Variants in PACSIN2 observed in about 807,000 individuals in gnomAD.
The protein encoded by PACSIN2 is protein kinase C and casein kinase substrate in neurons protein 2.
Under a neutral mutation model 63.8 loss-of-function variants are expected in PACSIN2, and 25 were observed. The ratio of observed to expected loss-of-function variants is 0.39; its 90% CI spans 0.29 to 0.55. The LOEUF is 0.55. PACSIN2 is among the 20% of genes least tolerant of loss of function. The probability of loss-of-function intolerance (pLI) is 0.62; values close to 1 mark genes in which losing one functional copy is unlikely to be tolerated. For synonymous variants in PACSIN2, 255 were observed against 256.2 expected, an observed-to-expected ratio of 1.00 and a Z score of 0.05; for missense variants, 518 against 646.9, an observed-to-expected ratio of 0.80 and a Z score of 2.16.
At chr22:43,006,872 A>C (rs1924126339) in intron 1 of PACSIN2, among the ~76,000 whole-genome samples, 1 of 152,116 alleles carries the variant, frequency 6.6e-6, no homozygotes, top group African/African-American at 2.4e-5. Context: ...TCTCAACCAA[A>C]CACGTAAATG....
At chr22:42,949,358 G>C (rs1933575363) in intron 1 of PACSIN2, among the ~76,000 whole-genome samples, 1 of 152,058 alleles carries the variant, frequency 6.6e-6, no homozygotes, top group South Asian at 2.1e-4. Context: ...GGAGGATATG[G>C]CTTTGGCAAG....
chr22:42,955,984 AAGAG>A (rs758251295), intron 1 of PACSIN2, among the ~76,000 whole-genome samples: 1 of 152,226 alleles, frequency 6.6e-6, no homozygotes, highest in Non-Finnish European at 1.5e-5. Context: ...TTAAGAGTCA[AAGAG>A]AGAGTTCCAA....
chr22:42,968,472 G>A (rs2146862176), intron 1 of PACSIN2, among the ~76,000 whole-genome samples: 1 of 152,302 alleles, frequency 6.6e-6, no homozygotes, highest in Non-Finnish European at 1.5e-5. Flanking sequence ...AAAAGAAATA[G>A]GTAGCATTTG....
At chr22:42,936,919 G>A (rs1004127841) in intron 1 of PACSIN2, among the ~76,000 whole-genome samples, 1 of 130,264 alleles carries the variant, frequency 7.7e-6, no homozygotes, top group African/African-American at 2.6e-5. Context: ...TCAAAAAAAG[G>A]GGGGGGGGCA....
intron 1 of PACSIN2, among the ~76,000 whole-genome samples, chr22:42,918,947 T>C (rs1931985116): frequency 6.6e-6 from 1 of 152,110 alleles, no homozygotes; most frequent in Non-Finnish European, 1.5e-5. Context: ...AGAGCGATTG[T>C]TTCTTCAAAA....
At chr22:42,891,329 G>T in intron 3 of PACSIN2, 147 bp from the exon 4 acceptor site, 1 of 605,536 alleles carries the variant, frequency 1.7e-6, no homozygotes. Context: ...GGGACTCTGT[G>T]CCTTTTTCAG....
chr22:42,999,366 G>C (rs1923617540), intron 1 of PACSIN2, among the ~76,000 whole-genome samples: 1 of 152,136 alleles, frequency 6.6e-6, no homozygotes, highest in Non-Finnish European at 1.5e-5. Context: ...TGTGTACGGA[G>C]GCATTAAAAA....
intron 1 of PACSIN2, among the ~76,000 whole-genome samples, chr22:42,917,439 T>G (rs775620324): frequency 6.6e-6 from 1 of 152,056 alleles, no homozygotes; most frequent in Non-Finnish European, 1.5e-5. Flanking sequence ...AGATCCCATC[T>G]CTACAAAAAG....
intron 1 of PACSIN2, among the ~76,000 whole-genome samples, chr22:42,940,339 T>C (rs1175000873): frequency 7.2e-5 from 11 of 152,154 alleles, no homozygotes; most frequent in African/African-American, 2.7e-4. Context: ...CCTTATACTG[T>C]CTTCATCTCT....
rs534850223 is a variant in PACSIN2 at position 43,014,929 on chromosome 22, G to C, written c.-78+92C>G. ...CGGAGCTCGGCGCGGCGGCCCTGAC[G>C]GGGCGCGGGCCCGGCCGCGGACCAG... On this transcript the variant is annotated intron_variant, in intron 1 of 10. Coordinates refer to ENST00000263246, the MANE Select transcript of PACSIN2 (RefSeq NM_001184970.3). 191 of 149,648 alleles carry C rather than the reference G, an allele frequency of 1.3e-3. 1 individual carries two copies. Among genetic ancestry groups the C allele is most frequent in the African/African-American group, 4.2e-3 (174 of 41,148 alleles). The allele number at this position is 149,648 out of a possible 1,614,324, so 9.3% of individuals were successfully genotyped here. A position where few individuals can be genotyped will look rare whatever the true frequency, so the allele number is the denominator to read the frequency against.
chr22:42,920,901 C>T (rs1287676298), intron 1 of PACSIN2, among the ~76,000 whole-genome samples: 1 of 146,376 alleles, frequency 6.8e-6, no homozygotes, highest in Non-Finnish European at 1.5e-5. Flanking sequence ...CTCCTCAGCT[C>T]AAGTGATCCT....
chr22:42,930,955 C>A (rs554495003), intron 1 of PACSIN2, among the ~76,000 whole-genome samples: 1 of 152,210 alleles, frequency 6.6e-6, no homozygotes, highest in Admixed American at 6.5e-5. Flanking sequence ...GTCACGTGTG[C>A]GTGACTCTGA....
intron 1 of PACSIN2, among the ~76,000 whole-genome samples, chr22:43,000,457 T>C (rs1315993749): frequency 1.3e-5 from 2 of 152,200 alleles, no homozygotes; most frequent in Non-Finnish European, 2.9e-5. Context: ...TTTGGAGGAT[T>C]GGAGGAGGTT....
At position 42,893,290 on chromosome 22, in the gene PACSIN2, C is replaced by T. The variant is rs187442363; in HGVS notation, c.217+167G>A. On this transcript the variant is annotated intron_variant, in intron 3 of 10. Coordinates refer to ENST00000263246, the MANE Select transcript of PACSIN2 (RefSeq NM_001184970.3). ...AGCCTGTGCCTTCTGGTGATGGGCG[C>T]TAATGCTCCCCATAAAAATCACACC... Among the ~76,000 whole-genome samples, 20 of 152,332 alleles carry T rather than the reference C, an allele frequency of 1.3e-4. No individual in the cohort carries two copies. In the East Asian group the frequency reaches 3.5e-3, roughly 26 times the overall value.
At chr22:43,009,065 G>A in intron 1 of PACSIN2, among the ~76,000 whole-genome samples, 1 of 152,180 alleles carries the variant, frequency 6.6e-6, no homozygotes, top group Non-Finnish European at 1.5e-5. Flanking sequence ...TCCGGCAGAT[G>A]AACAAATAGT....
intron 4 of PACSIN2, among the ~76,000 whole-genome samples, chr22:42,889,373 T>TACACACACACATAC (rs68042145): frequency 0.063 from 7,658 of 122,490 alleles, 608 homozygotes; most frequent in African/African-American, 0.19. Flanking sequence ...TAATGGTTTT[T>TACACACACACATAC]ACACACACAC....
chr22:42,925,587 G>A (rs761552870), intron 1 of PACSIN2, among the ~76,000 whole-genome samples: 2 of 152,126 alleles, frequency 1.3e-5, no homozygotes, highest in African/African-American at 2.4e-5. Context: ...CAGTTGCTTT[G>A]TAAATTGCTG....
At chr22:43,014,018 A>G (rs1441722908) in intron 1 of PACSIN2, among the ~76,000 whole-genome samples, 1 of 152,202 alleles carries the variant, frequency 6.6e-6, no homozygotes, top group East Asian at 1.9e-4. Flanking sequence ...CCAAAGCAAT[A>G]GCACAGCTTG....
rs1924626797 is a variant in PACSIN2 at position 43,013,339 on chromosome 22, T to C, written c.-78+1682A>G. Among the ~76,000 whole-genome samples, 5 of 152,328 alleles carry C rather than the reference T, an allele frequency of 3.3e-5. 1 individual carries two copies. The South Asian group carries it at 1.0e-3, about 32-fold the overall frequency. On this transcript the variant is annotated intron_variant, in intron 1 of 10. Coordinates refer to ENST00000263246, the MANE Select transcript of PACSIN2 (RefSeq NM_001184970.3). Reference sequence around the variant, plus strand: ...TTTCTTTAAAGCTTTAAGTCTATTGTCAAAAGAAAAACACACCAATGTTTT... The same window carrying C: ...TTTCTTTAAAGCTTTAAGTCTATTGCCAAAAGAAAAACACACCAATGTTTT...
Sources: gnomAD v4.1 joint callset for allele counts (sites outside exome capture counted in the v4.1 genomes callset) on GRCh38, gnomAD v4.1.1 for gene constraint, MANE v1.5 for transcripts, NCBI Gene and HGNC (gene_info 2026-07-23, HGNC 2026-07-21) for gene names.